Variants in ATXN1 observed in about 807,000 individuals in gnomAD.
ATXN1 encodes the protein ataxin-1.
A neutral mutation model predicts 56.4 loss-of-function variants in ATXN1; 8 were observed. The ratio of observed to expected loss-of-function variants is 0.14; its 90% CI spans 0.08 to 0.26. The LOEUF is 0.26. Among genes scored for constraint, ATXN1 ranks in the 10% least tolerant of loss-of-function variants. ATXN1 has a pLI of 1.00. For missense variants in ATXN1, 987 were observed against 1,106.5 expected, an observed-to-expected ratio of 0.89 and a Z score of 1.53; for synonymous variants, 514 against 494.6, an observed-to-expected ratio of 1.04 and a Z score of -0.52.
chr6:16,526,064 T>TATATAC (rs370698828), intron 4 of ATXN1, among the ~76,000 whole-genome samples: 4 of 133,292 alleles, frequency 3.0e-5, no homozygotes, highest in African/African-American at 1.2e-4. Flanking sequence ...TATATATATA[T>TATATAC]ACATACATAC....
intron 6 of ATXN1, among the ~76,000 whole-genome samples, chr6:16,363,303 T>C (rs1761852127): frequency 6.6e-6 from 1 of 152,224 alleles, no homozygotes; most frequent in Non-Finnish European, 1.5e-5. Context: ...GATAGGTGCA[T>C]GCTAAGTATG....
intron 6 of ATXN1, among the ~76,000 whole-genome samples, chr6:16,402,071 C>T (rs1758584931): frequency 6.6e-6 from 1 of 152,004 alleles, no homozygotes; most frequent in African/African-American, 2.4e-5. Context: ...TTATCCATTA[C>T]CACGAGAACA....
chr6:16,761,239 G>C (rs1033744249), intron 1 of ATXN1, 59 bp downstream of exon 1: 11 of 421,156 alleles, frequency 2.6e-5, no homozygotes, highest in African/African-American at 8.2e-5. Context: ...TAAATAAGGG[G>C]AGAAGGGAAT....
intron 1 of ATXN1, among the ~76,000 whole-genome samples, chr6:16,759,528 C>CTT (rs1264650257): frequency 1.1e-4 from 7 of 64,454 alleles, no homozygotes; most frequent in African/African-American, 3.0e-4. Flanking sequence ...CTTCTTCCGA[C>CTT]TGTTTTTTTT....
chr6:16,458,029 C>G (rs1169474876), intron 6 of ATXN1, among the ~76,000 whole-genome samples: 1 of 152,198 alleles, frequency 6.6e-6, no homozygotes, highest in Non-Finnish European at 1.5e-5. Context: ...AAACCTTCGA[C>G]CTCACTTGGA....
intron 2 of ATXN1, among the ~76,000 whole-genome samples, chr6:16,674,051 T>TATATATATATATATATATATA (rs559330521): frequency 7.2e-5 from 11 of 151,942 alleles, no homozygotes; most frequent in Middle Eastern, 3.4e-3. Flanking sequence ...CTAACGTGTT[T>TATATATATATATATATATATA]TATATATATA....
intron 7 of ATXN1, among the ~76,000 whole-genome samples, chr6:16,318,167 A>G (rs2113392912): frequency 6.6e-6 from 1 of 152,390 alleles, no homozygotes; most frequent in Middle Eastern, 3.4e-3. Flanking sequence ...GAAAGAAAAC[A>G]AAACGTCTGT....
intron 7 of ATXN1, among the ~76,000 whole-genome samples, chr6:16,320,332 C>T (rs1257177991): frequency 6.6e-6 from 1 of 152,118 alleles, no homozygotes; most frequent in Non-Finnish European, 1.5e-5. Context: ...ACACCCACGC[C>T]AGGACAGTCG....
At chr6:16,560,982 G>T (rs1196721763) in intron 4 of ATXN1, among the ~76,000 whole-genome samples, 2 of 152,192 alleles carry the variant, frequency 1.3e-5, no homozygotes, top group Non-Finnish European at 2.9e-5. Context: ...AACAAAATGG[G>T]AGTGATGTAA....
chr6:16,692,653 C>T (rs1378546277), intron 2 of ATXN1, among the ~76,000 whole-genome samples: 1 of 139,144 alleles, frequency 7.2e-6, no homozygotes, highest in Non-Finnish European at 1.6e-5. Flanking sequence ...CCGCCACCAC[C>T]AACAACAAAA....
At chr6:16,552,919 T>C (rs1279533807) in intron 4 of ATXN1, among the ~76,000 whole-genome samples, 1 of 152,262 alleles carries the variant, frequency 6.6e-6, no homozygotes, top group Non-Finnish European at 1.5e-5. Context: ...CTGCTCCACG[T>C]ATTTCCGATG....
At position 16,327,740 on chromosome 6, in the gene ATXN1, G is replaced by A; in HGVS notation, c.571C>T (p.Pro191Ser). 3.1e-6 allele frequency: 5 copies of A among 1,606,936 alleles called. No homozygotes were observed. The highest frequency in any genetic ancestry group is 4.2e-6 in the Non-Finnish European group (5 of 1,179,516). ...LANMGSLSQT[P>S]GHKAEQQQQQ... Reference sequence around the variant, plus strand: ...TGCTGCTGCTCAGCCTTGTGTCCCGGCGTCTGGCTCAGACTGCCCATGTTG... The same window carrying A: ...TGCTGCTGCTCAGCCTTGTGTCCCGACGTCTGGCTCAGACTGCCCATGTTG... Residue 191 changes from proline (P) to serine (S), a missense_variant, in exon 7 of 8, where the codon CCG becomes TCG. Transcript: ENST00000436367.
chr6:16,430,408 G>A lies in ATXN1; in HGVS notation c.-161+55564C>T, dbSNP rs181140292. Among the ~76,000 whole-genome samples, 760 of 152,036 alleles carry A rather than the reference G, an allele frequency of 5.0e-3. 24 individuals carry two copies. The highest frequency in any genetic ancestry group is 0.046 in the Admixed American group (697 of 15,280). On this transcript the variant is annotated intron_variant, in intron 6 of 7. Transcript: ENST00000436367. ...ACTAGTTATTAACAGCCCAGCCTGT[G>A]GTACACAAAGCTGACAGTTATTATG... is the stretch of plus-strand genomic sequence containing the variant.
At chr6:16,537,102 A>G (rs2113712213) in intron 4 of ATXN1, among the ~76,000 whole-genome samples, 1 of 151,068 alleles carries the variant, frequency 6.6e-6, no homozygotes, top group East Asian at 2.0e-4. Flanking sequence ...AGATTTAAGG[A>G]AAACGTACCT....
chr6:16,760,331 C>A lies in ATXN1; in HGVS notation c.-730+967G>T, dbSNP rs1392078106. Reference sequence around the variant, plus strand: ...CGTTCACTCCCGGCTCAGGGCAGCGCCTGCCGCGGCTCCTCGTCTCCTGCC... The same window carrying A: ...CGTTCACTCCCGGCTCAGGGCAGCGACTGCCGCGGCTCCTCGTCTCCTGCC... On this transcript the variant is annotated intron_variant, in intron 1 of 7. Transcript: ENST00000436367. This position sits in a 1 kb window ranked among gnomAD's most constrained non-coding sequence, Gnocchi z 5.3. Among the ~76,000 whole-genome samples the A allele has an allele frequency of 6.6e-6, 1 of 151,922 alleles. No individual in the cohort carries two copies. The highest frequency in any genetic ancestry group is 6.6e-5 in the Admixed American group (1 of 15,264).
At chr6:16,456,969 C>A (rs1347100941) in intron 6 of ATXN1, among the ~76,000 whole-genome samples, 1 of 152,178 alleles carries the variant, frequency 6.6e-6, no homozygotes, top group Non-Finnish European at 1.5e-5. Flanking sequence ...GAAATTATAT[C>A]CTTCCTATTC....
intron 6 of ATXN1, among the ~76,000 whole-genome samples, chr6:16,400,461 T>C (rs1047020963): frequency 5.3e-5 from 8 of 152,042 alleles, no homozygotes; most frequent in Non-Finnish European, 1.5e-5. Flanking sequence ...TTGGCTTCCA[T>C]TTATTGTTGC....
chr6:16,300,024 C>G lies in ATXN1; in HGVS notation c.*6305G>C, dbSNP rs1760043547. Reference sequence around the variant, plus strand: ...AGACAACAGCTTGAGCTAGTGTCACCTAATACTTGGTATTCTGGAGGACAG... The same window carrying G: ...AGACAACAGCTTGAGCTAGTGTCACGTAATACTTGGTATTCTGGAGGACAG... On this transcript the variant is annotated 3_prime_UTR_variant, in exon 8 of 8. Coordinates refer to ENST00000436367, the MANE Select transcript of ATXN1 (RefSeq NM_001128164.2). 6.6e-6 allele frequency: 1 copy of G among 152,660 alleles called. No homozygotes were observed. The highest frequency in any genetic ancestry group is 1.5e-5 in the Non-Finnish European group (1 of 68,054). 9.5% of individuals were successfully genotyped at this position (152,660 alleles called of 1,614,324 possible). A position where few individuals can be genotyped will look rare whatever the true frequency, so the allele number is the denominator to read the frequency against.
At chr6:16,747,672 A>T (rs369144484) in intron 2 of ATXN1, among the ~76,000 whole-genome samples, 2 of 152,232 alleles carry the variant, frequency 1.3e-5, no homozygotes, top group South Asian at 4.1e-4. Flanking sequence ...AAAAAAAAAA[A>T]AACAAAAGTC....
Sources: allele counts gnomAD v4.1 joint callset (sites outside exome capture counted in the v4.1 genomes callset), GRCh38; gene constraint gnomAD v4.1.1; non-coding constraint Gnocchi (gnomAD v3.1); transcripts MANE v1.5; gene names NCBI Gene and HGNC (gene_info 2026-07-23, HGNC 2026-07-21).